The following XPNPEP2 variants were observed in gnomAD, a reference collection of about 807,000 sequenced individuals.
XPNPEP2 encodes the protein X-prolyl aminopeptidase 2.
In XPNPEP2, 64 loss-of-function variants were observed where a neutral mutation model predicts 59.8. The observed-to-expected ratio is 1.07, with a 90% CI of 0.87 to 1.32. The LOEUF (loss-of-function observed/expected upper bound fraction) is 1.32, where lower values mean the gene tolerates loss of function less well. Among genes scored for constraint, XPNPEP2 ranks in the 40% most tolerant of loss-of-function variants. The pLI, the probability that XPNPEP2 is intolerant of heterozygous loss-of-function variation, is 0.00. For missense variants in XPNPEP2, 575 were observed against 546.8 expected (o/e 1.05, Z -0.51); for synonymous variants, 235 against 210.0 (o/e 1.12, Z -1.03).
chrX:129,762,795 G>A (rs1355762755), intron 19 of XPNPEP2, 25 bp downstream of exon 19: 20 of 1,186,107 alleles, frequency 1.7e-5, no homozygotes, highest in Non-Finnish European at 2.2e-5. Context: ...GGATGGGCTG[G>A]AGGTGTGGGC....
In XPNPEP2 at chrX:129,768,393, A is replaced by G; in HGVS notation, c.1933A>G (p.Thr645Ala). Residue 645 changes from threonine (T) to alanine (A), a missense_variant, in exon 21 of 21, where the codon ACA (threonine) becomes GCA (alanine). Physicochemically the swap from Thr to Ala is moderately conservative, Grantham distance 58 (BLOSUM62 0). Coordinates refer to ENST00000371106, the MANE Select transcript of XPNPEP2 (RefSeq NM_003399.6). ...GGAGTTCGAGTGGCTTCAACAGCAC[A>G]CAGAGCCCCTGGCCGCCAGGGCCCC... is the stretch of plus-strand genomic sequence containing the variant. ...LEEFEWLQQH[T>A]EPLAARAPDT... The G allele has an allele frequency of 8.3e-7, 1 of 1,209,769 alleles. No individual in the cohort carries two copies. Among genetic ancestry groups the G allele is most frequent in the Non-Finnish European group, 1.1e-6 (1 of 894,658 alleles).
At chrX:129,746,549 C>T (rs1322055219) in intron 5 of XPNPEP2, 46 bp from the exon 6 acceptor site, 3 of 1,146,534 alleles carry the variant, frequency 2.6e-6, no homozygotes, top group Admixed American at 4.4e-5. Flanking sequence ...GAGCCTGGGG[C>T]TGGCCCTGAA....
At chrX:129,751,917 C>T (rs1316480762) in intron 9 of XPNPEP2, 91 bp downstream of exon 9, 2 of 966,016 alleles carry the variant, frequency 2.1e-6, no homozygotes, top group Non-Finnish European at 2.9e-6. Context: ...ATATACAGCC[C>T]TCTGGCTGCC....
chrX:129,768,307 G>C lies in XPNPEP2; in HGVS notation c.1847G>C (p.Arg616Pro). ...LSPEHLQYLNRYYQTIREKVG... is the reference protein window; with the variant it reads ...LSPEHLQYLNPYYQTIREKVG... Reference sequence around the variant, plus strand: ...CCTTCGCAGCTCCAGTACCTGAATCGCTACTACCAGACCATCCGGGAGAAG... The same window carrying C: ...CCTTCGCAGCTCCAGTACCTGAATCCCTACTACCAGACCATCCGGGAGAAG... Residue 616 changes from arginine to proline, a missense_variant, in exon 21 of 21, where the codon CGC becomes CCC. By Grantham distance (103) the Arg-to-Pro change is moderately radical (BLOSUM62 -2). Coordinates refer to ENST00000371106, the MANE Select transcript of XPNPEP2 (RefSeq NM_003399.6). 1 of 1,178,360 alleles carries C rather than the reference G, an allele frequency of 8.5e-7. No homozygotes were observed. Among genetic ancestry groups the C allele is most frequent in the Non-Finnish European group, 1.1e-6 (1 of 881,361 alleles).
In XPNPEP2 at chrX:129,744,079, A is replaced by G; in HGVS notation, c.234+8A>G. On this transcript the variant is annotated splice_region_variant and intron_variant, in intron 3 of 20. Coordinates refer to ENST00000371106, the MANE Select transcript of XPNPEP2 (RefSeq NM_003399.6). ...GGCACAGATGCTCACATGGTAAGAG[A>G]CAGCTTCTCTCCCCCTTGCCCTCTC... 1 of 1,199,289 alleles carries G rather than the reference A, an allele frequency of 8.3e-7. No homozygotes were observed. The highest frequency in any genetic ancestry group is 1.1e-6 in the Non-Finnish European group (1 of 884,545).
At chrX:129,747,511 G>C (rs1461443509) in intron 6 of XPNPEP2, 96 bp from the exon 7 acceptor site, 14 of 1,131,049 alleles carry the variant, frequency 1.2e-5, no homozygotes, top group Non-Finnish European at 1.3e-5. Flanking sequence ...GCTGCAAAGG[G>C]AGGCAAAGGG....
chrX:129,755,922 A>G (rs1352026014), intron 13 of XPNPEP2, among the ~76,000 whole-genome samples: 1 of 112,160 alleles, frequency 8.9e-6, no homozygotes, highest in Non-Finnish European at 1.9e-5. Context: ...GCCTTGCCCC[A>G]GCCCCTCCTA....
Position 129,746,777 on chromosome X carries a change from G to T in XPNPEP2, c.490+96G>T, listed in dbSNP as rs764607075. On this transcript the variant is annotated intron_variant, in intron 6 of 20. Transcript: ENST00000371106. The stretch of plus-strand genomic sequence containing the variant: ...GAAATGGACCTTGGTAGAAGGAGGG[G>T]CGGTGGGACTATAAAGATAGAGCAT... 2.5e-4 allele frequency: 197 copies of T among 779,054 alleles called. No individual in the cohort carries two copies. The African/African-American group carries it at 3.9e-3, about 16-fold the overall frequency. 64.2% of individuals were successfully genotyped at this position (779,054 alleles called of 1,213,427 possible).
At chrX:129,754,971 G>A (rs1485872172) in intron 12 of XPNPEP2, among the ~76,000 whole-genome samples, 1 of 111,839 alleles carries the variant, frequency 8.9e-6, no homozygotes, top group African/African-American at 3.3e-5. Flanking sequence ...GTCAGGGCCG[G>A]ATTGTAGGTT....
chrX:129,742,366 TC>T (rs1926208402), intron 2 of XPNPEP2, among the ~76,000 whole-genome samples, 185 bp downstream of exon 2: 1 of 102,156 alleles, frequency 9.8e-6, no homozygotes, highest in Admixed American at 1.0e-4. Context: ...CTTGGGCCCC[TC>T]CCCCCTCCAC....
Position 129,742,151 on chromosome X carries a change from G to C in XPNPEP2, c.93G>C (p.Gln31His), listed in dbSNP as rs1320570092. The part of the protein sequence containing the change: ...GHTKPVDLGG[Q>H]DVRNCSTNPP... ...CAAAGCCAGTGGACCTTGGAGGGCA[G>C]GATGTGAGAAACTGTTCCACCAACC... Residue 31 changes from glutamine (Q) to histidine (H), a missense_variant, in exon 2 of 21, where the codon CAG becomes CAC. Gln to His is a conservative substitution (Grantham distance 24, BLOSUM62 0). Coordinates refer to ENST00000371106, the MANE Select transcript of XPNPEP2 (RefSeq NM_003399.6). The C allele has an allele frequency of 8.3e-7, 1 of 1,207,284 alleles. No homozygotes were observed. The highest frequency in any genetic ancestry group is 2.2e-5 in the Admixed American group (1 of 45,661).
At chrX:129,747,957 C>T (rs753497363) in intron 7 of XPNPEP2, 87 of 504,561 alleles carry the variant, frequency 1.7e-4, no homozygotes, top group Non-Finnish European at 2.8e-4. Flanking sequence ...AAATGTCCTC[C>T]GGCCATATTT....
chrX:129,750,007 G>A (rs1185286396), intron 7 of XPNPEP2, among the ~76,000 whole-genome samples: 4 of 112,717 alleles, frequency 3.5e-5, no homozygotes, highest in Non-Finnish European at 5.6e-5. Flanking sequence ...AGTTGAACAC[G>A]GCCCCAGCCC....
rs760190143 is a variant in XPNPEP2, at chrX:129,761,264, T to TGTGTGCATGAG, written c.1592_1602dup (p.Trp535ValfsTer45). 1 of 1,210,491 alleles carries TGTGTGCATGAG rather than the reference T, an allele frequency of 8.3e-7. No individual in the cohort carries two copies. Among genetic ancestry groups the TGTGTGCATGAG allele is most frequent in the East Asian group, 3.0e-5 (1 of 33,851 alleles). On this transcript the variant is annotated frameshift_variant, in exon 17 of 21. Transcript: ENST00000371106. LOFTEE classifies it high-confidence loss of function. The stretch of plus-strand genomic sequence containing the variant: ...AGGCCACGGCATTGGCAACTTCCTG[T>TGTGTGCATGAG]GTGTGCATGAGTGTAGGTGTCTCCT...
rs1446507185 is a variant in XPNPEP2, at chrX:129,767,614, C to A, written c.1752C>A (p.Ser584Arg). The A allele has an allele frequency of 5.0e-6, 6 of 1,209,724 alleles. No individual in the cohort carries two copies. In the African/African-American group the frequency reaches 1.1e-4, roughly 21 times the overall value. Residue 584 changes from serine (S) to arginine (R), a missense_variant, in exon 20 of 21, where the codon AGC becomes AGA. Ser to Arg is a moderately radical substitution (Grantham distance 110, BLOSUM62 -1). Coordinates refer to ENST00000371106, the MANE Select transcript of XPNPEP2 (RefSeq NM_003399.6). ...TTCTGGGCTCCCAGTACCCAGGGAGCTACCTGACCTTTGAAGTGGTATCAT... is the reference window on the plus strand; with the variant it reads ...TTCTGGGCTCCCAGTACCCAGGGAGATACCTGACCTTTGAAGTGGTATCAT... ...VVEAKTKYPG[S>R]YLTFEVVSFV...
At chrX:129,763,374 AAAG>A (rs753223673) in intron 19 of XPNPEP2, among the ~76,000 whole-genome samples, 76 of 112,574 alleles carry the variant, frequency 6.8e-4, no homozygotes, top group African/African-American at 1.8e-3. Flanking sequence ...AAATTCTGAA[AAAG>A]AAGAGCAGGG....
In XPNPEP2 at chrX:129,756,685, G is replaced by A. The variant is rs1926524400; in HGVS notation, c.1367+130G>A. 7.7e-6 allele frequency: 5 copies of A among 650,663 alleles called. No individual in the cohort carries two copies. The East Asian group carries it at 1.7e-4, about 22-fold the overall frequency. The allele number at this position is 650,663 out of a possible 1,213,427, so 53.6% of individuals were successfully genotyped here. ...CTGAAAAAGGAGAGATCTGGAATGA[G>A]CCCCGAACATCCTACCCATTTTCAC... On this transcript the variant is annotated intron_variant, in intron 14 of 20. Transcript: ENST00000371106.
chrX:129,759,083 C>T, intron 14 of XPNPEP2, 97 bp from the exon 15 acceptor site: 1 of 1,033,644 alleles, frequency 9.7e-7, no homozygotes, highest in Admixed American at 2.2e-5. Context: ...TCCACCCATC[C>T]CATCCCAGCC....
At chrX:129,745,832 G>A (rs778560223) in intron 4 of XPNPEP2, among the ~76,000 whole-genome samples, 7 of 111,384 alleles carry the variant, frequency 6.3e-5, no homozygotes, top group Non-Finnish European at 1.3e-4. Context: ...CTCGTGCCTC[G>A]TAGGCTCTTT....
Sources: allele counts gnomAD v4.1 joint callset (sites outside exome capture counted in the v4.1 genomes callset), GRCh38; gene constraint gnomAD v4.1.1; transcripts MANE v1.5; gene names NCBI Gene and HGNC (gene_info 2026-07-23, HGNC 2026-07-21).